BAIAP2L1: variants seen among roughly 807,000 people sequenced by gnomAD.
BAIAP2L1 encodes the protein BAR/IMD domain containing adaptor protein 2 like 1, also known as BAR/IMD domain-containing adapter protein 2-like 1.
BAIAP2L1 carries 35 observed loss-of-function variants against 66.3 expected under a neutral mutation model. The observed-to-expected ratio is 0.53, with a 90% CI of 0.40 to 0.70. BAIAP2L1 has a LOEUF of 0.70. Ranked by LOEUF, BAIAP2L1 falls within the 30% of genes least tolerant of loss-of-function variation. The pLI, the probability that BAIAP2L1 is intolerant of heterozygous loss-of-function variation, is 0.00. For missense variants in BAIAP2L1, 622 were observed against 656.9 expected (o/e 0.95, Z 0.58); for synonymous variants, 269 against 248.7 (o/e 1.08, Z -0.77).
intron 3 of BAIAP2L1, among the ~76,000 whole-genome samples, chr7:98,342,041 ATTTTT>A (rs142061599): frequency 3.2e-5 from 3 of 95,076 alleles, no homozygotes; most frequent in Non-Finnish European, 6.0e-5. Flanking sequence ...TTTTTTTCTG[ATTTTT>A]TTTTTTTTTT....
At chr7:98,400,639 G>A (rs561416726) in intron 1 of BAIAP2L1, among the ~76,000 whole-genome samples, 163 bp downstream of exon 1, 1 of 149,154 alleles carries the variant, frequency 6.7e-6, no homozygotes, top group South Asian at 2.2e-4. Flanking sequence ...AGGAAGAAGA[G>A]GGGCTGTGGA....
intron 8 of BAIAP2L1, 83 bp from the exon 9 acceptor site, chr7:98,310,675 T>A (rs2906184): frequency 0.21 from 206,659 of 982,512 alleles, 16,294 homozygotes; most frequent in South Asian, 0.31. Flanking sequence ...TTTTTTTTTT[T>A]AAATAATAGG....
chr7:98,395,687 G>A (rs74339523), intron 1 of BAIAP2L1, among the ~76,000 whole-genome samples: 1 of 152,176 alleles, frequency 6.6e-6, no homozygotes, highest in South Asian at 2.1e-4. Flanking sequence ...CAGCAGATAA[G>A]TTAAACTAAA....
At chr7:98,321,807 G>A (rs1226739441) in intron 3 of BAIAP2L1, among the ~76,000 whole-genome samples, 1 of 152,156 alleles carries the variant, frequency 6.6e-6, no homozygotes, top group Non-Finnish European at 1.5e-5. Context: ...AGATAAAAAT[G>A]AATTCCAGGC....
intron 3 of BAIAP2L1, among the ~76,000 whole-genome samples, chr7:98,332,595 G>A (rs1291994157): frequency 2.0e-5 from 3 of 151,002 alleles, no homozygotes; most frequent in East Asian, 3.9e-4. Flanking sequence ...GAATCACAAC[G>A]TCAGGAGTTC....
chr7:98,349,646 G>T (rs1421100721), intron 3 of BAIAP2L1, among the ~76,000 whole-genome samples: 1 of 151,644 alleles, frequency 6.6e-6, no homozygotes, highest in East Asian at 1.9e-4. Flanking sequence ...GCCGAGGCAG[G>T]TGGATTACCT....
At chr7:98,335,331 T>C (rs1159006252) in intron 3 of BAIAP2L1, among the ~76,000 whole-genome samples, 2 of 151,966 alleles carry the variant, frequency 1.3e-5, no homozygotes, top group Non-Finnish European at 2.9e-5. Flanking sequence ...TGACACTCAG[T>C]TTCCCTCCAC....
chr7:98,348,994 G>A (rs767789507), intron 3 of BAIAP2L1, among the ~76,000 whole-genome samples: 6 of 152,238 alleles, frequency 3.9e-5, no homozygotes, highest in Non-Finnish European at 5.9e-5. Context: ...TCCCGGACTC[G>A]CCTGGGCGGG....
In BAIAP2L1 at chr7:98,367,537, T is replaced by TC. The variant is rs1367275820; in HGVS notation, c.52-5106_52-5105insG. 4.8e-5 allele frequency among the ~76,000 whole-genome samples: 7 copies of TC among 145,434 alleles called. No individual in the cohort carries two copies. In the East Asian group the frequency reaches 1.2e-3, roughly 25 times the overall value. ...AGGCGCGCACCACCACACCTGGCTTTTTTTTTTTTTTTTTGTGAGACGGAG... is the reference window on the plus strand; with the variant it reads ...AGGCGCGCACCACCACACCTGGCTTTCTTTTTTTTTTTTTTGTGAGACGGAG... On this transcript the variant is annotated intron_variant, in intron 1 of 13. Transcript: ENST00000005260.
chr7:98,301,689 C>G (rs1800433840), intron 12 of BAIAP2L1, among the ~76,000 whole-genome samples: 3 of 151,838 alleles, frequency 2.0e-5, no homozygotes, highest in South Asian at 2.1e-4. Flanking sequence ...ACACGCGCGT[C>G]TGTGTGTGTG....
At chr7:98,312,416 C>G in intron 7 of BAIAP2L1, 152 bp from the exon 8 acceptor site, 1 of 797,178 alleles carries the variant, frequency 1.3e-6, no homozygotes, top group Non-Finnish European at 1.9e-6. Context: ...CTTTAAGCAC[C>G]TAGAGGATCA....
At chr7:98,340,746 A>G (rs1009151542) in intron 3 of BAIAP2L1, among the ~76,000 whole-genome samples, 4 of 149,234 alleles carry the variant, frequency 2.7e-5, no homozygotes, top group African/African-American at 9.9e-5. Flanking sequence ...TACTTACACC[A>G]ATGCGCCTAC....
At chr7:98,369,220 G>T (rs1195850137) in intron 1 of BAIAP2L1, among the ~76,000 whole-genome samples, 1 of 152,112 alleles carries the variant, frequency 6.6e-6, no homozygotes, top group East Asian at 1.9e-4. Flanking sequence ...GGTGACTCAT[G>T]CCTGTAATCC....
chr7:98,296,365 C>T (rs1800191874), intron 12 of BAIAP2L1, among the ~76,000 whole-genome samples: 1 of 152,218 alleles, frequency 6.6e-6, no homozygotes, highest in Non-Finnish European at 1.5e-5. Context: ...GTGGCTCATG[C>T]CTGTAATCCC....
At chr7:98,323,706 C>T (rs192554687) in intron 3 of BAIAP2L1, among the ~76,000 whole-genome samples, 63 of 152,312 alleles carry the variant, frequency 4.1e-4, no homozygotes, top group African/African-American at 1.1e-3. Context: ...TTTCACTCTG[C>T]GGGCAGGCAG....
intron 11 of BAIAP2L1, among the ~76,000 whole-genome samples, chr7:98,305,138 G>A (rs989496871): frequency 1.2e-4 from 16 of 137,386 alleles, no homozygotes; most frequent in Admixed American, 3.2e-4. Flanking sequence ...TGATCTGCCC[G>A]CCTCGGCCTC....
intron 3 of BAIAP2L1, among the ~76,000 whole-genome samples, chr7:98,350,377 G>A (rs1801974240): frequency 6.6e-6 from 1 of 151,980 alleles, no homozygotes; most frequent in South Asian, 2.1e-4. Flanking sequence ...ACAGCAGAAG[G>A]CTGGGCACAG....
At chr7:98,312,006 G>A in intron 8 of BAIAP2L1, 91 bp downstream of exon 8, 1 of 1,290,840 alleles carries the variant, frequency 7.7e-7, no homozygotes, top group Non-Finnish European at 1.1e-6. Flanking sequence ...AATAAAGGGG[G>A]ACCTGTGATT....
chr7:98,294,221 G>A, intron 12 of BAIAP2L1, 110 bp from the exon 13 acceptor site: 3 of 1,107,096 alleles, frequency 2.7e-6, no homozygotes, highest in Non-Finnish European at 2.7e-6. Flanking sequence ...TCGAACTCCT[G>A]AGCTCACGTG....
Sources: allele counts gnomAD v4.1 joint callset (sites outside exome capture counted in the v4.1 genomes callset), GRCh38; gene constraint gnomAD v4.1.1; transcripts MANE v1.5; gene names NCBI Gene and HGNC (gene_info 2026-07-23, HGNC 2026-07-21).